Variants in NRP2 observed in about 807,000 individuals in gnomAD.
NRP2 encodes the protein neuropilin 2.
In NRP2, 52 loss-of-function variants were observed where a neutral mutation model predicts 110.4. The observed-to-expected ratio is 0.47, with a 90% CI of 0.38 to 0.59. NRP2 has a LOEUF of 0.59. Among genes scored for constraint, NRP2 ranks in the 20% least tolerant of loss-of-function variants. The pLI, the probability that NRP2 is intolerant of heterozygous loss-of-function variation, is 0.00. For missense variants in NRP2, 1,049 were observed against 1,203.0 expected (o/e 0.87, Z 1.89); for synonymous variants, 508 against 468.9 (o/e 1.08, Z -1.08).
rs1268860330 is a variant in NRP2 at position 205,749,729 on chromosome 2, C to T, written c.1791C>T (p.Ser597=). The T allele has an allele frequency of 6.2e-7, 1 of 1,613,998 alleles. No homozygotes were observed. Among genetic ancestry groups the T allele is most frequent in the Admixed American group, 1.7e-5 (1 of 60,028 alleles). Reference sequence around the variant, plus strand: ...TCTTCCTTTGCCCTTACACAGACTCCAAGCCCACGGTAGAGACGCTGGGAC... The same window carrying T: ...TCTTCCTTTGCCCTTACACAGACTCTAAGCCCACGGTAGAGACGCTGGGAC... ...LEVLGCDWTD[S]KPTVETLGPT... is the part of the protein sequence containing the mutation. Residue 597 remains serine (S), a synonymous_variant, in exon 11 of 17, where the codon TCC becomes TCT. Transcript: ENST00000357785.
rs849559 is a variant in NRP2 at position 205,751,189 on chromosome 2, C to A, written c.1903+1348C>A. 2.8e-3 allele frequency among the ~76,000 whole-genome samples: 420 copies of A among 152,116 alleles called. 12 individuals carry two copies. The East Asian group carries it at 0.052, about 19-fold the overall frequency. On this transcript the variant is annotated intron_variant, in intron 11 of 16. Transcript: ENST00000357785. ...TTACAGAGTTAGCTTGTTGGGGGAC[C>A]TGGAGTGGGGGTTCTAGCTAAATGA...
chr2:205,749,356 G>A (rs114500753), intron 10 of NRP2, among the ~76,000 whole-genome samples: 165 of 152,230 alleles, frequency 1.1e-3, no homozygotes, highest in African/African-American at 3.5e-3. Context: ...CCATATTCCC[G>A]TCCATCCAGT....
chr2:205,708,573 G>A (rs1345435507), intron 2 of NRP2, among the ~76,000 whole-genome samples: 1 of 152,238 alleles, frequency 6.6e-6, no homozygotes, highest in African/African-American at 2.4e-5. Flanking sequence ...TGCTCCATGA[G>A]GAACAATGAG....
At chr2:205,766,828 A>C (rs755220543) in intron 15 of NRP2, 25 bp downstream of exon 15, 1 of 1,609,144 alleles carries the variant, frequency 6.2e-7, no homozygotes, top group Non-Finnish European at 8.5e-7. Flanking sequence ...GGTAAAAAAA[A>C]ATTTTTTTTT....
In NRP2 at chr2:205,789,991, T is replaced by G. The variant is rs909589234; in HGVS notation, c.2426-2244T>G. Among the ~76,000 whole-genome samples the G allele has an allele frequency of 3.9e-5, 6 of 152,340 alleles. No individual in the cohort carries two copies. In the South Asian group the frequency reaches 1.2e-3, roughly 32 times the overall value. ...ATTTGTGTTTTCCCCAGTGTGCCAT[T>G]CTTTCTTTAAGGCTTGGTGAACAGA... On this transcript the variant is annotated intron_variant, in intron 15 of 16. Coordinates refer to ENST00000357785, the MANE Select transcript of NRP2 (RefSeq NM_003872.3).
intron 15 of NRP2, among the ~76,000 whole-genome samples, chr2:205,782,888 G>A (rs1441086359): frequency 6.6e-6 from 1 of 150,926 alleles, no homozygotes; most frequent in Non-Finnish European, 1.5e-5. Flanking sequence ...AAACAATACT[G>A]CAATGAACAT....
At chr2:205,702,967 G>C (rs2056592638) in intron 2 of NRP2, among the ~76,000 whole-genome samples, 1 of 152,170 alleles carries the variant, frequency 6.6e-6, no homozygotes, top group African/African-American at 2.4e-5. Context: ...TGTTGCCTGA[G>C]TCCCTTGCTT....
At chr2:205,755,255 A>G (rs1206453235) in intron 12 of NRP2, among the ~76,000 whole-genome samples, 1 of 152,186 alleles carries the variant, frequency 6.6e-6, no homozygotes, top group Non-Finnish European at 1.5e-5. Flanking sequence ...AAGCTCACAA[A>G]GTGGGCAGAA....
chr2:205,742,417 GA>G (rs2057458904), intron 8 of NRP2, among the ~76,000 whole-genome samples: 2 of 152,210 alleles, frequency 1.3e-5, no homozygotes, highest in African/African-American at 4.8e-5. Context: ...GGATAAACTA[GA>G]ATGTGCACAT....
At chr2:205,740,424 T>G in intron 7 of NRP2, 95 bp from the exon 8 acceptor site, 1 of 1,385,442 alleles carries the variant, frequency 7.2e-7, no homozygotes, top group South Asian at 1.2e-5. Flanking sequence ...GGAAAGAAAA[T>G]TTGACAGAAC....
chr2:205,794,482 C>A (rs1385732429), intron 16 of NRP2, among the ~76,000 whole-genome samples: 1 of 152,200 alleles, frequency 6.6e-6, no homozygotes, highest in Non-Finnish European at 1.5e-5. Context: ...AATATTAGTT[C>A]ATGTAATCCT....
rs553064906 is a variant in NRP2, at chr2:205,795,331, G to A, written c.*273G>A. On this transcript the variant is annotated 3_prime_UTR_variant, in exon 17 of 17. Transcript: ENST00000357785. ...GACAAAACAGGAGCTCATCTCTTTG[G>A]GGTCACAGTTCTATTTTGTTTGTGA... 1 of 359,140 alleles carries A rather than the reference G, an allele frequency of 2.8e-6. No homozygotes were observed. The highest frequency in any genetic ancestry group is 2.1e-5 in the African/African-American group (1 of 48,190). 22.2% of individuals were successfully genotyped at this position (359,140 alleles called of 1,614,324 possible). A position where few individuals can be genotyped will look rare whatever the true frequency, so the allele number is the denominator to read the frequency against.
At position 205,682,862 on chromosome 2, in the gene NRP2, C is replaced by T; in HGVS notation, c.-429C>T. The T allele has an allele frequency of 5.2e-6, 1 of 192,690 alleles. No homozygotes were observed. 11.9% of individuals were successfully genotyped at this position (192,690 alleles called of 1,614,324 possible). ...GCCGCGGGATGTGTGTCAGTTTACG[C>T]CTCTGAGATCACACAGCTGCCTGGG... On this transcript the variant is annotated 5_prime_UTR_variant, in exon 1 of 17. Transcript: ENST00000357785. This position sits in a 1 kb window ranked among gnomAD's most constrained non-coding sequence, Gnocchi z 4.3.
chr2:205,697,868 G>A, intron 2 of NRP2, 147 bp downstream of exon 2: 1 of 815,124 alleles, frequency 1.2e-6, no homozygotes, highest in Non-Finnish European at 2.2e-6. Context: ...AAAACCTCAA[G>A]GGGCATTCCC....
At chr2:205,771,356 G>A (rs2058021089) in intron 15 of NRP2, among the ~76,000 whole-genome samples, 1 of 152,174 alleles carries the variant, frequency 6.6e-6, no homozygotes, top group Non-Finnish European at 1.5e-5. Flanking sequence ...TTCTCTAGAG[G>A]AGCCAACCTT....
intron 2 of NRP2, among the ~76,000 whole-genome samples, chr2:205,712,315 G>A (rs2056815043): frequency 6.6e-6 from 1 of 152,168 alleles, no homozygotes; most frequent in Non-Finnish European, 1.5e-5. Flanking sequence ...AGAGATTATG[G>A]ATAATGAAAT....
chr2:205,791,518 C>T (rs989125017), intron 15 of NRP2, among the ~76,000 whole-genome samples: 1 of 152,184 alleles, frequency 6.6e-6, no homozygotes, highest in Admixed American at 6.5e-5. Context: ...ATCACCCTCC[C>T]AAATTATCAT....
At chr2:205,750,221 T>C (rs562944718) in intron 11 of NRP2, among the ~76,000 whole-genome samples, 60 of 152,356 alleles carry the variant, frequency 3.9e-4, no homozygotes, top group Non-Finnish European at 6.5e-4. Flanking sequence ...CCTGTTAAGC[T>C]GTGTGTGTAT....
At chr2:205,776,358 C>CCCCG in intron 15 of NRP2, 1 of 1,613,108 alleles carries the variant, frequency 6.2e-7, no homozygotes, top group East Asian at 2.2e-5. Flanking sequence ...TGGTGCTGGT[C>CCCCG]TCCGTCGCGC....
Sources: allele counts gnomAD v4.1 joint callset (sites outside exome capture counted in the v4.1 genomes callset), GRCh38; gene constraint gnomAD v4.1.1; non-coding constraint Gnocchi (gnomAD v3.1); transcripts MANE v1.5; gene names NCBI Gene and HGNC (gene_info 2026-07-23, HGNC 2026-07-21).